The following CDC45 variants were observed in gnomAD, a reference collection of about 807,000 sequenced individuals.
CDC45 encodes the protein cell division cycle 45, also known as cell division control protein 45 homolog.
Under a neutral mutation model 77.8 loss-of-function variants are expected in CDC45, and 54 were observed. The observed-to-expected ratio is 0.69, with a 90% CI of 0.56 to 0.87. The LOEUF (loss-of-function observed/expected upper bound fraction) is 0.87. CDC45 is among the 40% of genes least tolerant of loss of function. The probability of loss-of-function intolerance (pLI) is 0.00; values close to 1 mark genes in which losing one functional copy is unlikely to be tolerated. For missense variants in CDC45, 649 were observed against 721.6 expected (o/e 0.90, Z 1.15); for synonymous variants, 260 against 272.1 (o/e 0.96, Z 0.44).
chr22:19,515,401 T>C (rs1035215287), intron 15 of CDC45, among the ~76,000 whole-genome samples: 20 of 152,178 alleles, frequency 1.3e-4, no homozygotes, highest in African/African-American at 4.1e-4. Flanking sequence ...TAAGCTGATT[T>C]CCTGTGCCTG....
rs542844645 is a variant in CDC45 at position 19,503,202 on chromosome 22, T to A, written c.705-2160T>A. On this transcript the variant is annotated intron_variant, in intron 9 of 18. Coordinates refer to ENST00000263201, the MANE Select transcript of CDC45 (RefSeq NM_003504.5). ...AGCAGGCAGAAACTTTCTCATAGTT[T>A]TTCCACAGGAATTTCTTCTTTTAGT... Among the ~76,000 whole-genome samples, 148 of 152,216 alleles carry A rather than the reference T, an allele frequency of 9.7e-4. 1 individual carries two copies. The highest frequency in any genetic ancestry group is 1.6e-3 in the Non-Finnish European group (112 of 67,990).
chr22:19,488,506 C>G (rs1018172823), intron 5 of CDC45, among the ~76,000 whole-genome samples: 1 of 152,212 alleles, frequency 6.6e-6, no homozygotes, highest in Non-Finnish European at 1.5e-5. Flanking sequence ...CATGAATATT[C>G]CAGTCACCCG....
chr22:19,509,015 G>A (rs1933370492), intron 13 of CDC45, among the ~76,000 whole-genome samples: 1 of 151,798 alleles, frequency 6.6e-6, no homozygotes, highest in African/African-American at 2.4e-5. Flanking sequence ...TCTTATAGTT[G>A]TCATTTCTCA....
chr22:19,482,812 A>G lies in CDC45; in HGVS notation c.327A>G (p.Val109=), dbSNP rs1472651433. Residue 109 remains valine (V), a synonymous_variant, in exon 4 of 19, where the codon GTA becomes GTG. Coordinates refer to ENST00000263201, the MANE Select transcript of CDC45 (RefSeq NM_003504.5). ...ATAGGCCAGTCAATGTCGTCAATGT[A>G]TACAACGATACCCAGGTACTTTTTG... The part of the protein sequence containing the change: ...DTHRPVNVVN[V]YNDTQIKLLI... 1.9e-6 allele frequency: 3 copies of G among 1,614,092 alleles called. No homozygotes were observed. Among genetic ancestry groups the G allele is most frequent in the Non-Finnish European group, 1.7e-6 (2 of 1,179,958 alleles).
intron 5 of CDC45, among the ~76,000 whole-genome samples, chr22:19,484,612 C>T (rs1428724641): frequency 6.6e-6 from 1 of 152,222 alleles, no homozygotes; most frequent in African/African-American, 2.4e-5. Flanking sequence ...TTGAAGATGG[C>T]CTCTGGCTCC....
Position 19,480,912 on chromosome 22 carries a change from T to C in CDC45, c.112-41T>C, listed in dbSNP as rs368324954. The stretch of plus-strand genomic sequence containing the variant: ...GTTTCTTTTCAAGGTAAATTGCTAA[T>C]GTCCTAAATAAGATAGGCTTTGAAA... On this transcript the variant is annotated intron_variant, in intron 2 of 18. Coordinates refer to ENST00000263201, the MANE Select transcript of CDC45 (RefSeq NM_003504.5). 4 of 1,276,764 alleles carry C rather than the reference T, an allele frequency of 3.1e-6. No individual in the cohort carries two copies. The East Asian group carries it at 7.0e-5, about 22-fold the overall frequency. The allele number at this position is 1,276,764 out of a possible 1,614,324, so 79.1% of individuals were successfully genotyped here.
chr22:19,507,036 G>C (rs1239870083), intron 10 of CDC45, among the ~76,000 whole-genome samples: 1 of 152,222 alleles, frequency 6.6e-6, no homozygotes, highest in African/African-American at 2.4e-5. Flanking sequence ...GGCTGGGCTA[G>C]GTGGAGCAGG....
At chr22:19,483,735 G>A (rs2090021230) in intron 4 of CDC45, 127 bp from the exon 5 acceptor site, 12 of 867,482 alleles carry the variant, frequency 1.4e-5, no homozygotes, top group Non-Finnish European at 2.1e-5. Flanking sequence ...TGTTAAATAG[G>A]TAGCTATTTG....
At chr22:19,506,882 C>T (rs184930547) in intron 10 of CDC45, among the ~76,000 whole-genome samples, 89 of 151,332 alleles carry the variant, frequency 5.9e-4, no homozygotes, top group African/African-American at 2.0e-3. Flanking sequence ...TGCAGCGAGC[C>T]GAGATCGTGC....
At chr22:19,506,548 C>T (rs1054666928) in intron 10 of CDC45, among the ~76,000 whole-genome samples, 1 of 152,084 alleles carries the variant, frequency 6.6e-6, no homozygotes, top group African/African-American at 2.4e-5. Flanking sequence ...GGACCAGGCT[C>T]TCGTCCTGTA....
intron 13 of CDC45, among the ~76,000 whole-genome samples, chr22:19,511,841 A>G (rs966568201): frequency 6.6e-6 from 1 of 151,354 alleles, no homozygotes; most frequent in Non-Finnish European, 1.5e-5. Flanking sequence ...ACCCAAGGTC[A>G]TGAAGATTTC....
At chr22:19,490,351 T>C (rs985605082) in intron 5 of CDC45, among the ~76,000 whole-genome samples, 7 of 151,962 alleles carry the variant, frequency 4.6e-5, no homozygotes, top group African/African-American at 1.7e-4. Flanking sequence ...TTTTTTATTC[T>C]ATTTTTTTCT....
chr22:19,497,371 T>G lies in CDC45; in HGVS notation c.592-15T>G. On this transcript the variant is annotated splice_polypyrimidine_tract_variant and intron_variant, in intron 7 of 18. Transcript: ENST00000263201. Reference sequence around the variant, plus strand: ...GCCCCTCCCATGAGCCTTAGACTTCTCTGCTTCCTTACAGTCAGCCATGGT... The same window carrying G: ...GCCCCTCCCATGAGCCTTAGACTTCGCTGCTTCCTTACAGTCAGCCATGGT... 1 of 1,613,826 alleles carries G rather than the reference T, an allele frequency of 6.2e-7. No homozygotes were observed. Among genetic ancestry groups the G allele is most frequent in the Non-Finnish European group, 8.5e-7 (1 of 1,179,746 alleles).
chr22:19,483,010 C>T (rs1288739045), intron 4 of CDC45, among the ~76,000 whole-genome samples, 183 bp downstream of exon 4: 1 of 151,398 alleles, frequency 6.6e-6, no homozygotes, highest in East Asian at 1.9e-4. Context: ...AGTACACTGG[C>T]ACAATCATGG....
chr22:19,498,089 G>A lies in CDC45; in HGVS notation c.653+642G>A, dbSNP rs143484964. On this transcript the variant is annotated intron_variant, in intron 8 of 18. Coordinates refer to ENST00000263201, the MANE Select transcript of CDC45 (RefSeq NM_003504.5). ...CTCAGGAGGCTGAGGTAGGAGAATC[G>A]CTTGAATCCGGAAGGCAGAGGTTGT... 1.1e-3 allele frequency among the ~76,000 whole-genome samples: 169 copies of A among 152,002 alleles called. 1 individual carries two copies. Among genetic ancestry groups the A allele is most frequent in the African/African-American group, 3.9e-3 (163 of 41,436 alleles).
intron 9 of CDC45, among the ~76,000 whole-genome samples, chr22:19,499,717 G>A (rs1256707984): frequency 6.6e-6 from 1 of 152,186 alleles, no homozygotes; most frequent in Non-Finnish European, 1.5e-5. Flanking sequence ...GGGCGAAGTG[G>A]GGGTTGGCTT....
chr22:19,519,970 C>T (rs1477510471), intron 18 of CDC45, among the ~76,000 whole-genome samples: 2 of 152,212 alleles, frequency 1.3e-5, no homozygotes, highest in Non-Finnish European at 2.9e-5. Context: ...AAAATGGGGC[C>T]CACTCTCTCC....
upstream of CDC45, chr22:19,479,603 G>A: frequency 1.6e-6 from 1 of 611,628 alleles, no homozygotes; most frequent in Non-Finnish European, 3.1e-6. Flanking sequence ...ATGGTTAGAA[G>A]TATACTTTCC....
At chr22:19,511,194 A>G (rs1483473517) in intron 13 of CDC45, among the ~76,000 whole-genome samples, 2 of 152,160 alleles carry the variant, frequency 1.3e-5, no homozygotes, top group Non-Finnish European at 1.5e-5. Flanking sequence ...CATTCATCCT[A>G]GTGAGTATGA....
Sources: allele counts gnomAD v4.1 joint callset (sites outside exome capture counted in the v4.1 genomes callset), GRCh38; gene constraint gnomAD v4.1.1; transcripts MANE v1.5; gene names NCBI Gene and HGNC (gene_info 2026-07-23, HGNC 2026-07-21).